Variants in PPIL1 observed in about 807,000 individuals in gnomAD.
The protein encoded by PPIL1 is peptidylprolyl isomerase like 1.
A neutral mutation model predicts 19.4 loss-of-function variants in PPIL1; 14 were observed. The observed-to-expected ratio is 0.72, with a 90% CI of 0.48 to 1.13. The LOEUF (loss-of-function observed/expected upper bound fraction) is 1.13. PPIL1 is among the 50% of genes most tolerant of loss of function. The probability of loss-of-function intolerance (pLI) is 0.00; values close to 1 mark genes in which losing one functional copy is unlikely to be tolerated. For missense variants in PPIL1, 192 were observed against 218.0 expected, an observed-to-expected ratio of 0.88 and a Z score of 0.75; for synonymous variants, 72 against 73.6, an observed-to-expected ratio of 0.98 and a Z score of 0.11.
intron 2 of PPIL1, among the ~76,000 whole-genome samples, chr6:36,864,889 G>C (rs776454549): frequency 6.6e-6 from 1 of 152,080 alleles, no homozygotes; most frequent in Non-Finnish European, 1.5e-5. Flanking sequence ...GCACCGCGAG[G>C]GCTTTCTTAT....
At chr6:36,861,726 C>T (rs1165206683) in intron 2 of PPIL1, among the ~76,000 whole-genome samples, 2 of 139,694 alleles carry the variant, frequency 1.4e-5, no homozygotes, top group South Asian at 2.2e-4. Flanking sequence ...GACAGAGTTT[C>T]GCTCTTGTGG....
intron 2 of PPIL1, among the ~76,000 whole-genome samples, chr6:36,857,553 C>G (rs535646136): frequency 1.3e-5 from 2 of 152,132 alleles, no homozygotes; most frequent in South Asian, 4.1e-4. Flanking sequence ...TGGCGTCAAG[C>G]AATCCTCCCT....
At chr6:36,867,819 T>C (rs924500209) in intron 2 of PPIL1, among the ~76,000 whole-genome samples, 2 of 152,298 alleles carry the variant, frequency 1.3e-5, no homozygotes, top group South Asian at 2.1e-4. Context: ...CAGGCTAGAA[T>C]AGAATAGAGA....
chr6:36,867,758 C>T (rs1339728434), intron 2 of PPIL1, among the ~76,000 whole-genome samples: 2 of 152,236 alleles, frequency 1.3e-5, no homozygotes, highest in Admixed American at 1.3e-4. Context: ...AGCCCTCCCA[C>T]AAGGGGCTCG....
In PPIL1 at chr6:36,855,945, G is replaced by A. The variant is rs138577335; in HGVS notation, c.369C>T (p.Asp123=). The part of the protein sequence containing the change: ...FVTLAPTQWL[D]GKHTIFGRVC... ...CTCGGCCAAAAATGGTGTGTTTGCC[G>A]TCAAGCCACTGGGTGGGGGCGAGGG... Residue 123 remains aspartate, a synonymous_variant, in exon 4 of 4, where the codon GAC becomes GAT. Transcript: ENST00000373699. 2.7e-5 allele frequency: 43 copies of A among 1,614,040 alleles called. No homozygotes were observed. The African/African-American group carries it at 2.7e-4, about 10-fold the overall frequency.
chr6:36,871,754 C>CT lies in PPIL1; in HGVS notation c.174dup (p.Asp59ArgfsTer8). On this transcript the variant is annotated frameshift_variant, in exon 2 of 4. Transcript: ENST00000373699. LOFTEE classifies it high-confidence loss of function. ...GGGTCACCTCCTTGGATCATGAAGTCTTTGATAATTCTGTGGAATTTTGTG... is the reference window on the plus strand; with the variant it reads ...GGGTCACCTCCTTGGATCATGAAGTCTTTTGATAATTCTGTGGAATTTTGTG... 1 of 1,610,610 alleles carries CT rather than the reference C, an allele frequency of 6.2e-7. No homozygotes were observed. Among genetic ancestry groups the CT allele is most frequent in the Non-Finnish European group, 8.5e-7 (1 of 1,178,664 alleles).
chr6:36,871,496 G>A (rs1410695235), intron 2 of PPIL1, among the ~76,000 whole-genome samples: 1 of 152,176 alleles, frequency 6.6e-6, no homozygotes, highest in East Asian at 1.9e-4. Flanking sequence ...AAGCCTAGGA[G>A]TAAAGGTTGG....
At chr6:36,867,179 T>C (rs1583115538) in intron 2 of PPIL1, among the ~76,000 whole-genome samples, 1 of 152,194 alleles carries the variant, frequency 6.6e-6, no homozygotes, top group South Asian at 2.1e-4. Flanking sequence ...CCAGGTTGGC[T>C]ACTCCTGGAT....
chr6:36,871,132 C>A (rs1583120100), intron 2 of PPIL1, among the ~76,000 whole-genome samples: 1 of 152,198 alleles, frequency 6.6e-6, no homozygotes, highest in Non-Finnish European at 1.5e-5. Flanking sequence ...CCCACAGTTG[C>A]AAGGTTCACT....
At chr6:36,861,451 C>T (rs992314647) in intron 2 of PPIL1, among the ~76,000 whole-genome samples, 1 of 152,168 alleles carries the variant, frequency 6.6e-6, no homozygotes, top group Admixed American at 6.5e-5. Flanking sequence ...ACACCAAAAT[C>T]CCTGCTCGCT....
chr6:36,866,502 T>TG (rs1207104128), intron 2 of PPIL1, among the ~76,000 whole-genome samples: 8 of 152,182 alleles, frequency 5.3e-5, no homozygotes, highest in Non-Finnish European at 1.2e-4. Context: ...GCCAGTGGGC[T>TG]GCTCAGTCAT....
At chr6:36,867,094 C>T (rs115375623) in intron 2 of PPIL1, among the ~76,000 whole-genome samples, 72 of 152,304 alleles carry the variant, frequency 4.7e-4, no homozygotes, top group African/African-American at 1.7e-3. Context: ...CTCGGGGCCT[C>T]AACCCGTGTG....
intron 2 of PPIL1, among the ~76,000 whole-genome samples, chr6:36,864,884 G>A (rs539933413): frequency 5.3e-5 from 8 of 152,168 alleles, no homozygotes; most frequent in South Asian, 2.1e-4. Flanking sequence ...TGAGAGCACC[G>A]CGAGGGCTTT....
rs1263606072 is a variant in PPIL1, at chr6:36,855,686, T to C, written c.*127A>G. Reference sequence around the variant, plus strand: ...ACTTCCATCTCTAACTCACCCAAGATGCCAGGCCTCCTAAGCTTCATGACT... The same window carrying C: ...ACTTCCATCTCTAACTCACCCAAGACGCCAGGCCTCCTAAGCTTCATGACT... On this transcript the variant is annotated 3_prime_UTR_variant, in exon 4 of 4. Coordinates refer to ENST00000373699, the MANE Select transcript of PPIL1 (RefSeq NM_016059.5). The C allele has an allele frequency of 2.2e-6, 2 of 890,656 alleles. No individual in the cohort carries two copies. Among genetic ancestry groups the C allele is most frequent in the East Asian group, 2.6e-5 (1 of 38,642 alleles). 55.2% of individuals were successfully genotyped at this position (890,656 alleles called of 1,614,324 possible). A position where few individuals can be genotyped will look rare whatever the true frequency, so the allele number is the denominator to read the frequency against.
chr6:36,861,528 G>C (rs935702002), intron 2 of PPIL1, among the ~76,000 whole-genome samples: 5 of 152,074 alleles, frequency 3.3e-5, no homozygotes, highest in Admixed American at 3.3e-4. Context: ...GTTGGTAAAG[G>C]CTCAACTATA....
At chr6:36,864,649 G>T (rs1352250222) in intron 2 of PPIL1, among the ~76,000 whole-genome samples, 1 of 152,166 alleles carries the variant, frequency 6.6e-6, no homozygotes, top group Non-Finnish European at 1.5e-5. Flanking sequence ...TTGTCACACT[G>T]AGTGGTTCTA....
chr6:36,866,527 G>A (rs1200717697), intron 2 of PPIL1, among the ~76,000 whole-genome samples: 2 of 152,062 alleles, frequency 1.3e-5, no homozygotes, highest in Non-Finnish European at 2.9e-5. Context: ...TATACTTGAG[G>A]CTGGGTGCAG....
chr6:36,860,521 C>T (rs964435027), intron 2 of PPIL1, among the ~76,000 whole-genome samples: 12 of 152,092 alleles, frequency 7.9e-5, no homozygotes, highest in African/African-American at 2.7e-4. Context: ...ATTTCAGACA[C>T]GCAAACATAC....
intron 2 of PPIL1, among the ~76,000 whole-genome samples, chr6:36,869,461 T>C (rs1225208886): frequency 6.6e-6 from 1 of 152,078 alleles, no homozygotes; most frequent in Non-Finnish European, 1.5e-5. Context: ...CTATCTCTTT[T>C]CAAGTATAAA....
Sources: allele counts gnomAD v4.1 joint callset (sites outside exome capture counted in the v4.1 genomes callset), GRCh38; gene constraint gnomAD v4.1.1; transcripts MANE v1.5; gene names NCBI Gene and HGNC (gene_info 2026-07-23, HGNC 2026-07-21).